Variants in NRXN1 observed in about 807,000 individuals in gnomAD.
NRXN1 encodes neurexin 1.
A neutral mutation model predicts 150.9 loss-of-function variants in NRXN1; 39 were observed. That is an observed-to-expected ratio of 0.26 (90% CI 0.20 to 0.34). The LOEUF is 0.34. NRXN1 is among the 10% of genes least tolerant of loss of function. NRXN1 has a pLI of 1.00. For synonymous variants in NRXN1, 924 were observed against 757.0 expected (o/e 1.22, Z -3.62); for missense variants, 1,815 against 1,949.9 (o/e 0.93, Z 1.30).
At chr2:50,923,173 G>A (rs913299707) in intron 3 of NRXN1, among the ~76,000 whole-genome samples, 3 of 151,828 alleles carry the variant, frequency 2.0e-5, no homozygotes, top group African/African-American at 4.8e-5. Context: ...AAAAAAAATT[G>A]TAGTCACATT....
At chr2:50,161,301 G>C (rs1427158717) in intron 18 of NRXN1, among the ~76,000 whole-genome samples, 1 of 152,102 alleles carries the variant, frequency 6.6e-6, no homozygotes, top group Non-Finnish European at 1.5e-5. Context: ...TCCATTATGA[G>C]GAAAATAAGG....
intron 17 of NRXN1, among the ~76,000 whole-genome samples, chr2:50,266,494 AT>A (rs752633544): frequency 6.8e-6 from 1 of 147,602 alleles, no homozygotes; most frequent in Non-Finnish European, 1.5e-5. Context: ...TAATTTTTAT[AT>A]ATTTAGTTAC....
At chr2:50,005,283 C>T (rs1334725581) in intron 21 of NRXN1, among the ~76,000 whole-genome samples, 1 of 151,984 alleles carries the variant, frequency 6.6e-6, no homozygotes, top group Non-Finnish European at 1.5e-5. Context: ...CTATGCACGA[C>T]AAAGATATGG....
At chr2:50,681,780 C>T (rs747050374) in intron 5 of NRXN1, among the ~76,000 whole-genome samples, 3 of 152,086 alleles carry the variant, frequency 2.0e-5, no homozygotes, top group Admixed American at 1.3e-4. Flanking sequence ...CTAATCAAAG[C>T]AAGTGGTTTG....
rs150241449 is a variant in NRXN1, at chr2:50,609,388, G to T, written c.1320+10634C>A. Among the ~76,000 whole-genome samples the T allele has an allele frequency of 4.3e-4, 66 of 152,192 alleles. No homozygotes were observed. The East Asian group carries it at 8.9e-3, about 21-fold the overall frequency. ...GTGTGGAGCCCCATGTGACTGCATA[G>T]GTTATAAGTCCATGAGAAGGCCCTG... is the stretch of plus-strand genomic sequence containing the variant. On this transcript the variant is annotated intron_variant, in intron 8 of 22. Coordinates refer to ENST00000401669, the MANE Select transcript of NRXN1 (RefSeq NM_001330078.2).
chr2:50,495,646 A>G lies in NRXN1; in HGVS notation c.3070+259T>C, dbSNP rs992499849. On this transcript the variant is annotated intron_variant, in intron 15 of 22. Transcript: ENST00000401669. ...TTTTTAATATCAAGACCAATATTAT[A>G]TTTTTCTCACTTTTTACATTTTAAT... Among the ~76,000 whole-genome samples, 7 of 151,924 alleles carry G rather than the reference A, an allele frequency of 4.6e-5. No homozygotes were observed. In the East Asian group the frequency reaches 1.3e-3, roughly 29 times the overall value.
chr2:50,843,085 G>A (rs962742667), intron 5 of NRXN1, among the ~76,000 whole-genome samples: 3 of 152,126 alleles, frequency 2.0e-5, no homozygotes, highest in Non-Finnish European at 2.9e-5. Flanking sequence ...ATCTGTGAGC[G>A]AGAAGGCAGG....
intron 19 of NRXN1, among the ~76,000 whole-genome samples, chr2:50,088,265 C>G (rs1183998003): frequency 6.6e-6 from 1 of 152,056 alleles, no homozygotes; most frequent in African/African-American, 2.4e-5. Flanking sequence ...AGATGAAGTT[C>G]CAAGAGAAAA....
At chr2:50,740,510 G>T in intron 5 of NRXN1, among the ~76,000 whole-genome samples, 1 of 152,120 alleles carries the variant, frequency 6.6e-6, no homozygotes, top group East Asian at 1.9e-4. Context: ...CAAACTACCT[G>T]AGCTTTGGAT....
chr2:50,650,864 G>C (rs1346902427), intron 5 of NRXN1, among the ~76,000 whole-genome samples: 1 of 151,958 alleles, frequency 6.6e-6, no homozygotes, highest in African/African-American at 2.4e-5. Flanking sequence ...TTAAAATGTT[G>C]ATAGTTAATA....
intron 5 of NRXN1, among the ~76,000 whole-genome samples, chr2:50,691,779 G>C (rs1692119630): frequency 6.6e-6 from 1 of 152,024 alleles, no homozygotes; most frequent in Non-Finnish European, 1.5e-5. Flanking sequence ...AACCCCGAGG[G>C]CTGACTCGGG....
At chr2:50,380,302 G>T (rs2080861482) in intron 17 of NRXN1, among the ~76,000 whole-genome samples, 1 of 151,830 alleles carries the variant, frequency 6.6e-6, no homozygotes, top group African/African-American at 2.4e-5. Flanking sequence ...GTGTGCGTGT[G>T]TGTGTGTATT....
intron 9 of NRXN1, among the ~76,000 whole-genome samples, chr2:50,550,508 G>A (rs1253272838): frequency 6.6e-6 from 1 of 151,524 alleles, no homozygotes; most frequent in Non-Finnish European, 1.5e-5. Context: ...CACTACATAA[G>A]CCCATGCCCA....
chr2:50,411,744 G>C (rs918219351), intron 17 of NRXN1, among the ~76,000 whole-genome samples: 2 of 151,890 alleles, frequency 1.3e-5, no homozygotes, highest in African/African-American at 4.8e-5. Context: ...GGTGGGGGGC[G>C]CCTCTGCCCG....
intron 2 of NRXN1, among the ~76,000 whole-genome samples, chr2:51,008,152 T>TA (rs1385771668): frequency 6.6e-6 from 1 of 151,856 alleles, no homozygotes; most frequent in Non-Finnish European, 1.5e-5. Flanking sequence ...CACACATAAA[T>TA]AAAAGAGATC....
At chr2:49,943,861 G>T in intron 21 of NRXN1, 70 bp from the exon 22 acceptor site, 1 of 1,118,500 alleles carries the variant, frequency 8.9e-7, no homozygotes, top group Non-Finnish European at 1.3e-6. Flanking sequence ...TTGTCTCATT[G>T]ACAAGTGAAA....
chr2:50,134,786 G>T (rs953246301), intron 18 of NRXN1, among the ~76,000 whole-genome samples: 1 of 152,092 alleles, frequency 6.6e-6, no homozygotes, highest in Non-Finnish European at 1.5e-5. Context: ...TGAGTCGCAG[G>T]TTGTACATTT....
chr2:50,340,753 A>G (rs1262457514), intron 17 of NRXN1, among the ~76,000 whole-genome samples: 1 of 152,180 alleles, frequency 6.6e-6, no homozygotes, highest in Admixed American at 6.5e-5. Context: ...ACGAAACAAG[A>G]ATATGAATGA....
At chr2:50,119,720 A>AT (rs1703595488) in intron 18 of NRXN1, among the ~76,000 whole-genome samples, 1 of 152,202 alleles carries the variant, frequency 6.6e-6, no homozygotes, top group African/African-American at 2.4e-5. Flanking sequence ...TAAGATACGG[A>AT]TGTATATAAA....
Sources: gnomAD v4.1 joint callset for allele counts (sites outside exome capture counted in the v4.1 genomes callset) on GRCh38, gnomAD v4.1.1 for gene constraint, MANE v1.5 for transcripts, NCBI Gene and HGNC (gene_info 2026-07-23, HGNC 2026-07-21) for gene names.